HEMK2: variants seen among roughly 807,000 people sequenced by gnomAD.
HEMK2 encodes HemK methyltransferase 2, ETF1 glutamine and histone H4 lysine.
chr21:28,639,115 T>C, the HEMK2 span, among the ~76,000 whole-genome samples: 1 of 152,120 alleles, frequency 6.6e-6, no homozygotes, highest in African/African-American at 2.4e-5. Context: ...ATAATGGGCC[T>C]AATCTAAAGA....
At chr21:28,612,440 A>G in the HEMK2 span, among the ~76,000 whole-genome samples, 1 of 152,234 alleles carries the variant, frequency 6.6e-6, no homozygotes, top group East Asian at 1.9e-4. Context: ...CCTTAAGGTA[A>G]TAAACACCAT....
chr21:28,594,859 T>C, the HEMK2 span, among the ~76,000 whole-genome samples: 1 of 152,218 alleles, frequency 6.6e-6, no homozygotes, highest in Non-Finnish European at 1.5e-5. Context: ...TAAACCATAT[T>C]GCTGCATCGT....
the HEMK2 span, chr21:28,876,312 C>T: frequency 6.0e-6 from 6 of 1,005,438 alleles, no homozygotes; most frequent in South Asian, 1.9e-5. Context: ...TCCTTGTTAC[C>T]TAATGAATGA....
At chr21:28,873,622 T>G in the HEMK2 span, 5 of 152,318 alleles carry the variant, frequency 3.3e-5, no homozygotes, top group African/African-American at 1.2e-4. Flanking sequence ...ATGATAACAC[T>G]AAGAGATGCC....
chr21:28,691,545 G>A, the HEMK2 span, among the ~76,000 whole-genome samples: 5 of 152,014 alleles, frequency 3.3e-5, no homozygotes, highest in African/African-American at 1.2e-4. Context: ...AGGTGTTACA[G>A]GTTGATCTTA....
chr21:28,591,669 A>G, the HEMK2 span, among the ~76,000 whole-genome samples: 1 of 152,002 alleles, frequency 6.6e-6, no homozygotes, highest in African/African-American at 2.4e-5. Context: ...CTAGTACCCA[A>G]TAATTATTTT....
the HEMK2 span, among the ~76,000 whole-genome samples, chr21:28,775,154 T>C: frequency 7.2e-5 from 11 of 152,188 alleles, no homozygotes; most frequent in Non-Finnish European, 1.5e-4. Context: ...CACCCTCTTA[T>C]TTTGGAGGTT....
At chr21:28,781,572 G>A in the HEMK2 span, among the ~76,000 whole-genome samples, 1 of 152,260 alleles carries the variant, frequency 6.6e-6, no homozygotes, top group East Asian at 1.9e-4. Flanking sequence ...AATGGTAAAA[G>A]GTACATAGAG....
the HEMK2 span, among the ~76,000 whole-genome samples, chr21:28,824,690 T>C: frequency 0.046 from 7,068 of 152,272 alleles, 226 homozygotes; most frequent in East Asian, 0.16. Context: ...ACAGTCCTAG[T>C]TGAAATGTAG....
the HEMK2 span, among the ~76,000 whole-genome samples, chr21:28,697,195 T>C: frequency 1.5e-3 from 221 of 152,338 alleles, 1 homozygote; most frequent in African/African-American, 5.1e-3. Flanking sequence ...TTCTACTGCA[T>C]TTTAAGCCTG....
the HEMK2 span, among the ~76,000 whole-genome samples, chr21:28,853,592 C>T: frequency 6.6e-6 from 1 of 152,148 alleles, no homozygotes; most frequent in East Asian, 1.9e-4. Context: ...GGTCTAGAAG[C>T]AAACAGGAGT....
chr21:28,677,647 C>CA, the HEMK2 span, among the ~76,000 whole-genome samples: 1 of 152,200 alleles, frequency 6.6e-6, no homozygotes, highest in Non-Finnish European at 1.5e-5. Flanking sequence ...AGGCACCCCC[C>CA]AGTAGGGGCA....
the HEMK2 span, among the ~76,000 whole-genome samples, chr21:28,831,430 G>C: frequency 8.4e-6 from 1 of 119,036 alleles, no homozygotes; most frequent in African/African-American, 3.0e-5. Flanking sequence ...GGGTGACAGA[G>C]CGAGACTCTA....
the HEMK2 span, among the ~76,000 whole-genome samples, chr21:28,635,409 T>A: frequency 6.6e-6 from 1 of 152,250 alleles, no homozygotes; most frequent in South Asian, 2.1e-4. Context: ...AATAATCAAG[T>A]CTTCCTCATG....
At chr21:28,862,732 T>C in the HEMK2 span, among the ~76,000 whole-genome samples, 1 of 152,350 alleles carries the variant, frequency 6.6e-6, no homozygotes, top group African/African-American at 2.4e-5. Context: ...TCATGAGTAT[T>C]TCCTCCTTTT....
the HEMK2 span, among the ~76,000 whole-genome samples, chr21:28,672,980 A>G: frequency 7.0e-6 from 1 of 143,638 alleles, no homozygotes; most frequent in African/African-American, 2.7e-5. Flanking sequence ...AAAATAAAAA[A>G]AGAGAGAAAG....
At chr21:28,625,406 C>G in the HEMK2 span, among the ~76,000 whole-genome samples, 1 of 152,284 alleles carries the variant, frequency 6.6e-6, no homozygotes, top group African/African-American at 2.4e-5. Context: ...CTAATCCTTT[C>G]ATTTTGCTTA....
chr21:28,688,861 C>T, the HEMK2 span, among the ~76,000 whole-genome samples: 26 of 151,760 alleles, frequency 1.7e-4, no homozygotes, highest in Admixed American at 7.2e-4. Flanking sequence ...GAGAGGGAAT[C>T]TTTAAATGCA....
At chr21:28,776,130 CAGCG>C in the HEMK2 span, among the ~76,000 whole-genome samples, 1 of 152,182 alleles carries the variant, frequency 6.6e-6, no homozygotes, top group South Asian at 2.1e-4. Flanking sequence ...AGCAGACAGG[CAGCG>C]TCAAGAAGAA....
Sources: gnomAD v4.1 joint callset for allele counts (sites outside exome capture counted in the v4.1 genomes callset) on GRCh38, gnomAD v4.1.1 for gene constraint, MANE v1.5 for transcripts, NCBI Gene and HGNC (gene_info 2026-07-23, HGNC 2026-07-21) for gene names.